Variants in RSBN1 observed in about 807,000 individuals in gnomAD.
The protein encoded by RSBN1 is lysine-specific demethylase 9.
Under a neutral mutation model 74.8 loss-of-function variants are expected in RSBN1, and 23 were observed. The observed-to-expected ratio is 0.31, with a 90% CI of 0.22 to 0.44. The LOEUF is 0.44. Ranked by LOEUF, RSBN1 falls within the 20% of genes least tolerant of loss-of-function variation. The pLI, the probability that RSBN1 is intolerant of heterozygous loss-of-function variation, is 1.00. For missense variants in RSBN1, 808 were observed against 1,020.9 expected (o/e 0.79, Z 2.84); for synonymous variants, 407 against 379.6 (o/e 1.07, Z -0.84).
intron 1 of RSBN1, 34 bp downstream of exon 1, chr1:113,811,676 T>C (rs752337679): frequency 1.3e-6 from 2 of 1,548,640 alleles, no homozygotes; most frequent in South Asian, 2.5e-5. Context: ...GAGAGAGACC[T>C]AGAACCCAAG....
Position 113,778,829 on chromosome 1 carries a change from A to G in RSBN1, c.1378-1021T>C, listed in dbSNP as rs992731609. On this transcript the variant is annotated intron_variant, in intron 2 of 6. Coordinates refer to ENST00000261441, the MANE Select transcript of RSBN1 (RefSeq NM_018364.5). ...CCTATGAGCAACATATATTTTCTCT[A>G]TATCAACTCTCCAGTGAATTTAGGA... Among the ~76,000 whole-genome samples, 6 of 152,156 alleles carry G rather than the reference A, an allele frequency of 3.9e-5. No homozygotes were observed. The East Asian group carries it at 5.8e-4, about 15-fold the overall frequency.
chr1:113,771,241 G>A (rs1415615727), intron 4 of RSBN1, among the ~76,000 whole-genome samples: 1 of 151,984 alleles, frequency 6.6e-6, no homozygotes, highest in Non-Finnish European at 1.5e-5. Flanking sequence ...AACACTAAGA[G>A]ACAACACAAC....
intron 4 of RSBN1, among the ~76,000 whole-genome samples, chr1:113,776,213 T>C (rs193086167): frequency 1.3e-5 from 2 of 152,222 alleles, no homozygotes; most frequent in Non-Finnish European, 2.9e-5. Context: ...GTATATGTCA[T>C]GAGGACAAAG....
rs376917396 is a variant in RSBN1, at chr1:113,797,900, G to A, written c.840C>T (p.Thr280=). 1.5e-5 allele frequency: 24 copies of A among 1,612,856 alleles called. No homozygotes were observed. The highest frequency in any genetic ancestry group is 4.5e-5 in the East Asian group (2 of 44,792). Residue 280 remains threonine (T), a synonymous_variant, in exon 2 of 7, where the codon ACC becomes ACT. Coordinates refer to ENST00000261441, the MANE Select transcript of RSBN1 (RefSeq NM_018364.5). The stretch of plus-strand genomic sequence containing the variant: ...TGATGCGGGTCAGGCCAGCACAGAC[G>A]GTTTGTACTTCCTTATTGTACATTT... ...RLKMYNKEVQ[T]VCAGLTRISK...
chr1:113,763,704 C>G lies in RSBN1; in HGVS notation c.*2276G>C, dbSNP rs1374418826. 6 of 152,560 alleles carry G rather than the reference C, an allele frequency of 3.9e-5. No individual in the cohort carries two copies. Among genetic ancestry groups the G allele is most frequent in the Non-Finnish European group, 8.8e-5 (6 of 68,006 alleles). The allele number at this position is 152,560 out of a possible 1,614,324, so 9.5% of individuals were successfully genotyped here. On this transcript the variant is annotated 3_prime_UTR_variant, in exon 7 of 7. Coordinates refer to ENST00000261441, the MANE Select transcript of RSBN1 (RefSeq NM_018364.5). The stretch of plus-strand genomic sequence containing the variant: ...TGATTTTAAACATTTTTATTGTACT[C>G]TTTTAATGTGTTTATATTGGAGGTG...
chr1:113,778,288 C>T (rs1430283996), intron 2 of RSBN1, among the ~76,000 whole-genome samples: 9 of 136,170 alleles, frequency 6.6e-5, no homozygotes, highest in Admixed American at 3.7e-4. Flanking sequence ...ACAGGCCAAT[C>T]TTTTTTTTTT....
At chr1:113,769,935 G>A (rs1330748371) in intron 4 of RSBN1, among the ~76,000 whole-genome samples, 4 of 152,196 alleles carry the variant, frequency 2.6e-5, no homozygotes, top group African/African-American at 9.6e-5. Flanking sequence ...CCCACATGGA[G>A]TAGACTATGG....
At position 113,763,588 on chromosome 1, in the gene RSBN1, C is replaced by T. The variant is rs927517516; in HGVS notation, c.*2392G>A. On this transcript the variant is annotated 3_prime_UTR_variant, in exon 7 of 7. Coordinates refer to ENST00000261441, the MANE Select transcript of RSBN1 (RefSeq NM_018364.5). ...GCATGCTATTAAAATCTAATACTCA[C>T]ATAGGACATTCAGTTTTCAGATCAC... 6.5e-6 allele frequency: 1 copy of T among 152,786 alleles called. No individual in the cohort carries two copies. Among genetic ancestry groups the T allele is most frequent in the Admixed American group, 6.5e-5 (1 of 15,272 alleles). The allele number at this position is 152,786 out of a possible 1,614,324, so 9.5% of individuals were successfully genotyped here.
chr1:113,765,639 A>C lies in RSBN1; in HGVS notation c.*341T>G, dbSNP rs1157385755. 9.9e-6 allele frequency: 2 copies of C among 202,936 alleles called. No homozygotes were observed. Among genetic ancestry groups the C allele is most frequent in the Admixed American group, 5.2e-5 (1 of 19,278 alleles). The allele number at this position is 202,936 out of a possible 1,614,324, so 12.6% of individuals were successfully genotyped here. A position where few individuals can be genotyped will look rare whatever the true frequency, so the allele number is the denominator to read the frequency against. ...AGCAAATATGGCAAGAGACAAGGCA[A>C]GATAAAATTAAGGGAAGTGAATAAT... On this transcript the variant is annotated 3_prime_UTR_variant, in exon 7 of 7. Coordinates refer to ENST00000261441, the MANE Select transcript of RSBN1 (RefSeq NM_018364.5).
At chr1:113,768,438 A>C (rs781243013) in intron 4 of RSBN1, 49 bp from the exon 5 acceptor site, 5 of 1,472,212 alleles carry the variant, frequency 3.4e-6, no homozygotes, top group Non-Finnish European at 4.6e-6. Context: ...GAAGAAAGAG[A>C]CCAAAAAAAA....
chr1:113,798,712 G>A (rs1177431379), intron 1 of RSBN1, among the ~76,000 whole-genome samples: 1 of 152,112 alleles, frequency 6.6e-6, no homozygotes, highest in East Asian at 1.9e-4. Flanking sequence ...GAAAATAATT[G>A]AAGATTATAT....
rs1324546073 is a variant in RSBN1, at chr1:113,762,530, T to A, written c.*3450A>T. ...TGCTAGCTAGTGAAAGGTTCTTTTT[T>A]AAAAACCTGTAGCAATGATAAAACA... is the stretch of plus-strand genomic sequence containing the variant. On this transcript the variant is annotated 3_prime_UTR_variant, in exon 7 of 7. Transcript: ENST00000261441. 1 of 152,712 alleles carries A rather than the reference T, an allele frequency of 6.5e-6. No individual in the cohort carries two copies. The highest frequency in any genetic ancestry group is 1.9e-4 in the East Asian group (1 of 5,342). The allele number at this position is 152,712 out of a possible 1,614,324, so 9.5% of individuals were successfully genotyped here.
intron 1 of RSBN1, among the ~76,000 whole-genome samples, chr1:113,800,637 A>C (rs1660563603): frequency 2.0e-5 from 3 of 152,296 alleles, no homozygotes; most frequent in South Asian, 4.1e-4. Flanking sequence ...TTTGGTATGC[A>C]GAAAATGAAT....
chr1:113,785,606 A>C (rs981324903), intron 2 of RSBN1, among the ~76,000 whole-genome samples: 1 of 152,204 alleles, frequency 6.6e-6, no homozygotes, highest in Non-Finnish European at 1.5e-5. Flanking sequence ...TCTAGTAAGG[A>C]GAGGCAGACA....
chr1:113,785,125 C>CT (rs34675721), intron 2 of RSBN1, among the ~76,000 whole-genome samples: 65,117 of 150,234 alleles, frequency 0.43, 14,792 homozygotes, highest in East Asian at 0.84. Context: ...TACTTAAAAA[C>CT]TTTTTTTTTT....
In RSBN1 at chr1:113,777,689, T is replaced by C. The variant is rs142092570; in HGVS notation, c.1497A>G (p.Glu499=). 20 of 1,609,900 alleles carry C rather than the reference T, an allele frequency of 1.2e-5. No homozygotes were observed. The highest frequency in any genetic ancestry group is 1.5e-5 in the Non-Finnish European group (18 of 1,177,488). ...CACTCACTTTCAGAAATGGTGATTC[T>C]TCTAACATATCAAGGAACTCTGGGA... ...DYFPEFLDML[E]ESPFLKMTLP... is the part of the protein sequence containing the mutation. The change falls in exon 3 of 7, where the codon GAA becomes GAG. Residue 499 remains glutamate (E), a synonymous_variant. Transcript: ENST00000261441.
chr1:113,778,345 C>T (rs1660072004), intron 2 of RSBN1, among the ~76,000 whole-genome samples: 1 of 149,356 alleles, frequency 6.7e-6, no homozygotes, highest in Admixed American at 6.8e-5. Flanking sequence ...GTCCCACAGG[C>T]TGGAGTGCAA....
chr1:113,812,006 C>T lies in RSBN1; in HGVS notation c.407G>A (p.Gly136Asp), dbSNP rs751977475. 14 of 1,548,486 alleles carry T rather than the reference C, an allele frequency of 9.0e-6. No individual in the cohort carries two copies. The Middle Eastern group carries it at 1.2e-3, about 134-fold the overall frequency. Residue 136 changes from glycine to aspartate, a missense_variant, in exon 1 of 7, where the codon GGC (glycine) becomes GAC (aspartate). This residue lies in a region of RSBN1 where 464 missense variants were observed against 401.0 expected (regional missense o/e 1.16). Transcript: ENST00000261441. ...CGGCAGGAGAAGAGGCTCAACAGGG[C>T]CTGGGACAGTTGGGGCTGCATTCGT... is the stretch of plus-strand genomic sequence containing the variant. ...PPTNAAPTVP[G>D]PVEPLLLPPP... is the part of the protein sequence containing the mutation.
intron 1 of RSBN1, among the ~76,000 whole-genome samples, chr1:113,805,229 G>A (rs898894004): frequency 6.6e-6 from 1 of 151,772 alleles, no homozygotes; most frequent in Non-Finnish European, 1.5e-5. Context: ...TGATTCTCCT[G>A]CCTCAGCCTC....
Sources: allele counts gnomAD v4.1 joint callset (sites outside exome capture counted in the v4.1 genomes callset), GRCh38; gene constraint gnomAD v4.1.1; regional missense constraint gnomAD v4.1.1; transcripts MANE v1.5; gene names NCBI Gene and HGNC (gene_info 2026-07-23, HGNC 2026-07-21).